ZNF469: variants seen among roughly 807,000 people sequenced by gnomAD.
The protein encoded by ZNF469 is zinc finger protein 469.
A neutral mutation model predicts 1.0 loss-of-function variants in ZNF469; 1 was observed. The ratio of observed to expected loss-of-function variants is 1.00; its 90% CI spans 0.35 to 4.73. The LOEUF is 4.73. ZNF469 is among the 30% of genes most tolerant of loss of function. The pLI is 0.16. For synonymous variants in ZNF469, 2,703 were observed against 2,363.4 expected (o/e 1.14, Z -4.17); for missense variants, 6,100 against 5,356.3 (o/e 1.14, Z -4.33).
the ZNF469 span, among the ~76,000 whole-genome samples, chr16:88,111,680 A>G: frequency 6.6e-6 from 1 of 152,122 alleles, no homozygotes; most frequent in East Asian, 1.9e-4. Flanking sequence ...CTCTGTCACC[A>G]GGCTGGAGTG....
the ZNF469 span, among the ~76,000 whole-genome samples, chr16:88,120,884 C>G: frequency 5.9e-5 from 9 of 152,318 alleles, no homozygotes; most frequent in African/African-American, 2.2e-4. Flanking sequence ...GCCGCCTGAC[C>G]TCACCCGAGG....
At chr16:88,372,664 TCACCATCATCAC>T in the ZNF469 span, among the ~76,000 whole-genome samples, 184 of 149,774 alleles carry the variant, frequency 1.2e-3, no homozygotes, top group African/African-American at 4.3e-3. Flanking sequence ...TTTACCATCT[TCACCATCATCAC>T]CACCATCATC....
chr16:88,184,386 G>T, the ZNF469 span, among the ~76,000 whole-genome samples: 2 of 151,970 alleles, frequency 1.3e-5, no homozygotes, highest in African/African-American at 4.8e-5. Flanking sequence ...TATGATTTCT[G>T]CCACCTCCAA....
chr16:88,416,354 C>T (rs1905300206), intron 1 of ZNF469, among the ~76,000 whole-genome samples: 1 of 152,220 alleles, frequency 6.6e-6, no homozygotes, highest in Admixed American at 6.5e-5. Flanking sequence ...TACGCTATTG[C>T]TGCCCGGGCG....
At chr16:88,306,744 G>C in the ZNF469 span, among the ~76,000 whole-genome samples, 18 of 152,210 alleles carry the variant, frequency 1.2e-4, no homozygotes, top group African/African-American at 4.3e-4. Flanking sequence ...AATGAGCTTT[G>C]ATGGACAGGC....
At chr16:88,186,596 C>G in the ZNF469 span, among the ~76,000 whole-genome samples, 1 of 152,196 alleles carries the variant, frequency 6.6e-6, no homozygotes, top group Non-Finnish European at 1.5e-5. Flanking sequence ...AACACAGCAC[C>G]GAGACCTCAG....
At chr16:88,273,487 C>G in the ZNF469 span, among the ~76,000 whole-genome samples, 2 of 152,104 alleles carry the variant, frequency 1.3e-5, no homozygotes, top group African/African-American at 4.8e-5. Context: ...AAACACAAAG[C>G]TAAACCAGAA....
the ZNF469 span, among the ~76,000 whole-genome samples, chr16:88,239,506 TG>T: frequency 6.7e-6 from 1 of 148,620 alleles, no homozygotes; most frequent in Non-Finnish European, 1.5e-5. Context: ...TTTTTTTTTT[TG>T]AGACGGAGTC....
At chr16:88,406,748 T>C (rs1036897752) in intron 1 of ZNF469, among the ~76,000 whole-genome samples, 8 of 152,160 alleles carry the variant, frequency 5.3e-5, no homozygotes, top group African/African-American at 1.9e-4. Context: ...CGCCTGGGCA[T>C]AGAGGTGGCT....
the ZNF469 span, among the ~76,000 whole-genome samples, chr16:88,141,833 G>A: frequency 6.6e-6 from 1 of 152,340 alleles, no homozygotes; most frequent in African/African-American, 2.4e-5. Flanking sequence ...AGCCAGAAAA[G>A]GCAGGAAAGG....
At chr16:88,337,295 T>C in the ZNF469 span, among the ~76,000 whole-genome samples, 1 of 152,124 alleles carries the variant, frequency 6.6e-6, no homozygotes, top group Non-Finnish European at 1.5e-5. Flanking sequence ...AGTGAATAAG[T>C]CTCATGAGAT....
rs189332706 is a variant in ZNF469, at chr16:88,403,717, A to T, written c.-192+20463A>T. Among the ~76,000 whole-genome samples the T allele has an allele frequency of 7.9e-5, 12 of 152,340 alleles. No individual in the cohort carries two copies. In the East Asian group the frequency reaches 1.7e-3, roughly 22 times the overall value. ...TCCATTCTGCAATTGTTACAAACTTATAACTTGAATTGTTTTACTCTCAGA... is the reference window on the plus strand; with the variant it reads ...TCCATTCTGCAATTGTTACAAACTTTTAACTTGAATTGTTTTACTCTCAGA... On this transcript the variant is annotated intron_variant, in intron 1 of 2. Coordinates refer to ENST00000565624, the MANE Select transcript of ZNF469 (RefSeq NM_001367624.2).
the ZNF469 span, among the ~76,000 whole-genome samples, chr16:88,185,907 GAC>G: frequency 4.1e-5 from 6 of 146,154 alleles, no homozygotes; most frequent in South Asian, 2.2e-4. Context: ...CAGACCCACA[GAC>G]ACACACATTC....
intron 1 of ZNF469, among the ~76,000 whole-genome samples, chr16:88,389,344 G>T (rs564008745): frequency 6.6e-6 from 1 of 152,212 alleles, no homozygotes; most frequent in Admixed American, 6.5e-5. Flanking sequence ...CGCTTCCTTC[G>T]TCTTTGCGGC....
chr16:88,238,530 T>C, the ZNF469 span, among the ~76,000 whole-genome samples: 3 of 152,328 alleles, frequency 2.0e-5, no homozygotes, highest in South Asian at 6.2e-4. Context: ...TGCCTGGGTC[T>C]TTCCAAGCCA....
the ZNF469 span, among the ~76,000 whole-genome samples, chr16:88,291,302 A>G: frequency 2.0e-5 from 3 of 152,182 alleles, no homozygotes; most frequent in Non-Finnish European, 4.4e-5. Context: ...CGGCTGCTGC[A>G]CATTGGTCCC....
the ZNF469 span, among the ~76,000 whole-genome samples, chr16:88,268,982 G>A: frequency 2.0e-5 from 3 of 152,316 alleles, no homozygotes; most frequent in Admixed American, 6.5e-5. Context: ...GGGCATGGAA[G>A]GTCACGGGCT....
At chr16:88,400,512 C>A (rs55902245) in intron 1 of ZNF469, among the ~76,000 whole-genome samples, 35,114 of 152,136 alleles carry the variant, frequency 0.23, 4,278 homozygotes, top group African/African-American at 0.3. Flanking sequence ...TTTGCTCGTC[C>A]CTGCTTTCCG....
At chr16:88,298,197 G>T in the ZNF469 span, among the ~76,000 whole-genome samples, 502 of 152,308 alleles carry the variant, frequency 3.3e-3, 4 homozygotes, top group African/African-American at 0.012. Context: ...TGGTCCCCAG[G>T]ACTCTTTCAT....
Sources: allele counts gnomAD v4.1 joint callset (sites outside exome capture counted in the v4.1 genomes callset), GRCh38; gene constraint gnomAD v4.1.1; transcripts MANE v1.5; gene names NCBI Gene and HGNC (gene_info 2026-07-23, HGNC 2026-07-21).